The following SGCD variants were observed in gnomAD, a reference collection of about 807,000 sequenced individuals.
SGCD encodes the protein delta-sarcoglycan.
Under a neutral mutation model 36.6 loss-of-function variants are expected in SGCD, and 18 were observed. The ratio of observed to expected loss-of-function variants is 0.49; its 90% CI spans 0.34 to 0.73. The LOEUF is 0.73. SGCD is among the 30% of genes least tolerant of loss of function. The probability of loss-of-function intolerance (pLI) is 0.01; values close to 1 mark genes in which losing one functional copy is unlikely to be tolerated. For missense variants in SGCD, 387 were observed against 346.7 expected (o/e 1.12, Z -0.92); for synonymous variants, 133 against 130.6 (o/e 1.02, Z -0.12).
chr5:156,650,958 T>C (rs1763436477), intron 7 of SGCD, among the ~76,000 whole-genome samples: 1 of 152,170 alleles, frequency 6.6e-6, no homozygotes, highest in South Asian at 2.1e-4. Flanking sequence ...AAGTGTTCCT[T>C]TACTCCACAG....
chr5:155,910,861 G>T (rs1415457943), intron 1 of SGCD, among the ~76,000 whole-genome samples: 1 of 152,030 alleles, frequency 6.6e-6, no homozygotes, highest in African/African-American at 2.4e-5. Context: ...TTCTTTAATT[G>T]CTTTATAATC....
intron 1 of SGCD, among the ~76,000 whole-genome samples, chr5:156,053,343 C>T (rs2127581761): frequency 6.9e-6 from 1 of 145,974 alleles, no homozygotes; most frequent in East Asian, 1.9e-4. Flanking sequence ...TGTCACTGCT[C>T]AGTGACAGGG....
intron 3 of SGCD, among the ~76,000 whole-genome samples, chr5:156,309,984 C>A (rs756759901): frequency 6.6e-6 from 1 of 151,940 alleles, no homozygotes; most frequent in African/African-American, 2.4e-5. Context: ...TGAGGAAAAT[C>A]TGGAAATCAG....
intron 3 of SGCD, among the ~76,000 whole-genome samples, chr5:156,125,839 TTTATTATTATTATTATTATTATTATTA>T (rs144493356): frequency 1.5e-5 from 2 of 131,484 alleles, no homozygotes; most frequent in Non-Finnish European, 3.2e-5. Context: ...CACTCATTCT[TTTATTATTATTATTATTATTATTATTA>T]TTATTATTAT....
At chr5:156,242,692 A>G (rs1765334666) in intron 3 of SGCD, among the ~76,000 whole-genome samples, 1 of 152,196 alleles carries the variant, frequency 6.6e-6, no homozygotes, top group Non-Finnish European at 1.5e-5. Context: ...AAAAAAGAAA[A>G]AGCTAACCAA....
At chr5:156,661,872 A>G (rs1763945539) in intron 7 of SGCD, among the ~76,000 whole-genome samples, 1 of 152,002 alleles carries the variant, frequency 6.6e-6, no homozygotes, top group South Asian at 2.1e-4. Flanking sequence ...TAATGTAGCT[A>G]TTTGATCCAA....
intron 1 of SGCD, among the ~76,000 whole-genome samples, chr5:156,078,031 C>T (rs762385675): frequency 3.3e-5 from 5 of 152,042 alleles, no homozygotes; most frequent in Non-Finnish European, 5.9e-5. Context: ...ACTTATGTTA[C>T]AAACAATAAC....
chr5:155,958,266 G>C (rs143913641), intron 1 of SGCD, among the ~76,000 whole-genome samples: 1 of 152,160 alleles, frequency 6.6e-6, no homozygotes, highest in Non-Finnish European at 1.5e-5. Flanking sequence ...GATGGTTTCT[G>C]TTCTGTGTGG....
chr5:155,861,092 T>C, the SGCD span, among the ~76,000 whole-genome samples: 1 of 152,186 alleles, frequency 6.6e-6, no homozygotes, highest in Admixed American at 6.5e-5. Flanking sequence ...AGCTCATTTA[T>C]CACTTGTTCA....
At chr5:155,816,865 T>G in the SGCD span, among the ~76,000 whole-genome samples, 1 of 152,190 alleles carries the variant, frequency 6.6e-6, no homozygotes, top group Non-Finnish European at 1.5e-5. Flanking sequence ...TCATAAAAAT[T>G]ATCAATTTTA....
chr5:156,726,763 T>C (rs1165685945), intron 7 of SGCD, among the ~76,000 whole-genome samples: 1 of 152,226 alleles, frequency 6.6e-6, no homozygotes, highest in African/African-American at 2.4e-5. Flanking sequence ...CTTTTTGTTA[T>C]ATTTCAATGG....
chr5:156,565,698 C>T (rs1759450684), intron 4 of SGCD, among the ~76,000 whole-genome samples: 1 of 151,948 alleles, frequency 6.6e-6, no homozygotes, highest in South Asian at 2.1e-4. Context: ...CCTCCCCTAG[C>T]CCCCCACCCA....
chr5:156,029,949 G>A (rs991726614), intron 1 of SGCD, among the ~76,000 whole-genome samples: 6 of 151,860 alleles, frequency 4.0e-5, no homozygotes, highest in Admixed American at 3.3e-4. Context: ...GAAAGCCTTC[G>A]CCAAGCCCTC....
intron 1 of SGCD, among the ~76,000 whole-genome samples, chr5:156,070,283 T>C (rs527484777): frequency 6.6e-6 from 1 of 152,222 alleles, no homozygotes; most frequent in East Asian, 1.9e-4. Flanking sequence ...TAGATAGCTC[T>C]CATTATTTTG....
chr5:156,406,790 T>TTATA (rs200600544), intron 3 of SGCD, among the ~76,000 whole-genome samples: 4,708 of 74,742 alleles, frequency 0.063, 202 homozygotes, highest in Non-Finnish European at 0.078. Context: ...ATAGGAGATT[T>TTATA]TATATATATA....
At chr5:155,861,483 A>T in the SGCD span, among the ~76,000 whole-genome samples, 2 of 152,096 alleles carry the variant, frequency 1.3e-5, no homozygotes, top group Admixed American at 6.6e-5. Context: ...CGGGCGGATC[A>T]CAAGGTCACG....
At chr5:155,903,495 C>T (rs937464152) in intron 1 of SGCD, among the ~76,000 whole-genome samples, 1 of 152,086 alleles carries the variant, frequency 6.6e-6, no homozygotes, top group African/African-American at 2.4e-5. Context: ...CAGCCCATGC[C>T]CACCCATTAT....
intron 7 of SGCD, among the ~76,000 whole-genome samples, chr5:156,688,232 G>A (rs1003139159): frequency 6.6e-6 from 1 of 152,006 alleles, no homozygotes; most frequent in African/African-American, 2.4e-5. Flanking sequence ...TTCTAAACCA[G>A]TTGCTATTTT....
chr5:156,115,276 C>T (rs1239242507), intron 1 of SGCD, among the ~76,000 whole-genome samples: 5 of 152,016 alleles, frequency 3.3e-5, no homozygotes, highest in Non-Finnish European at 7.4e-5. Context: ...TTTTGGTAAA[C>T]TTTCTTTGTC....
Sources: allele counts gnomAD v4.1 joint callset (sites outside exome capture counted in the v4.1 genomes callset), GRCh38; gene constraint gnomAD v4.1.1; transcripts MANE v1.5; gene names NCBI Gene and HGNC (gene_info 2026-07-23, HGNC 2026-07-21).